Variants in BMPR1B observed in about 807,000 individuals in gnomAD.
BMPR1B encodes the protein bone morphogenetic protein receptor type 1B.
BMPR1B carries 12 observed loss-of-function variants against 59.1 expected under a neutral mutation model. The observed-to-expected ratio is 0.20, with a 90% CI of 0.13 to 0.33. The LOEUF (loss-of-function observed/expected upper bound fraction) is 0.33, where lower values mean the gene tolerates loss of function less well. BMPR1B is among the 10% of genes least tolerant of loss of function. The pLI is 1.00. For missense variants in BMPR1B, 550 were observed against 610.9 expected (o/e 0.90, Z 1.05); for synonymous variants, 237 against 207.3 (o/e 1.14, Z -1.23).
chr4:95,097,636 CAA>C (rs1730525323), intron 3 of BMPR1B, among the ~76,000 whole-genome samples: 1 of 152,124 alleles, frequency 6.6e-6, no homozygotes, highest in Non-Finnish European at 1.5e-5. Context: ...CTCCTGGGTT[CAA>C]GTGATTCTCC....
intron 3 of BMPR1B, among the ~76,000 whole-genome samples, chr4:95,032,164 G>T (rs1250675840): frequency 6.6e-6 from 1 of 152,000 alleles, no homozygotes; most frequent in Non-Finnish European, 1.5e-5. Context: ...AGATCAAGGG[G>T]CTTGAAGCTT....
chr4:94,985,677 A>G (rs1042650883), intron 2 of BMPR1B, among the ~76,000 whole-genome samples: 3 of 152,108 alleles, frequency 2.0e-5, no homozygotes, highest in Admixed American at 1.3e-4. Flanking sequence ...CTGTGGTGTT[A>G]CTGAAAGATA....
chr4:94,836,999 C>T (rs547431756), intron 1 of BMPR1B, among the ~76,000 whole-genome samples: 6 of 143,330 alleles, frequency 4.2e-5, no homozygotes, highest in African/African-American at 1.3e-4. Context: ...TTCCCAGCAC[C>T]GTTTATTAAA....
intron 3 of BMPR1B, among the ~76,000 whole-genome samples, chr4:95,014,447 G>T (rs895089027): frequency 2.6e-4 from 39 of 152,068 alleles, no homozygotes; most frequent in African/African-American, 8.9e-4. Context: ...TGTTTAATTT[G>T]ATGAATCAAT....
chr4:94,882,136 C>CT lies in BMPR1B; in HGVS notation c.-113+6245dup, dbSNP rs964880905. Among the ~76,000 whole-genome samples, 103 of 151,212 alleles carry CT rather than the reference C, an allele frequency of 6.8e-4. 2 individuals carry two copies. In the South Asian group the frequency reaches 0.02, roughly 29 times the overall value. On this transcript the variant is annotated intron_variant, in intron 2 of 12. Transcript: ENST00000515059. ...CTACTGTCCCCCTCACTGTTTTTTT[C>CT]TTTTTTTTTCCATGGAAGGATAGAG...
At chr4:94,916,462 G>T (rs1446054308) in intron 2 of BMPR1B, among the ~76,000 whole-genome samples, 2 of 152,160 alleles carry the variant, frequency 1.3e-5, no homozygotes, top group African/African-American at 4.8e-5. Flanking sequence ...AAAGAACTTG[G>T]CTGCATTCTA....
At chr4:94,852,414 C>T (rs1260074583) in intron 1 of BMPR1B, among the ~76,000 whole-genome samples, 2 of 151,934 alleles carry the variant, frequency 1.3e-5, no homozygotes, top group Non-Finnish European at 2.9e-5. Context: ...ATATAATTAA[C>T]CAGTCATTTA....
chr4:94,885,759 A>C (rs2148984408), intron 2 of BMPR1B, among the ~76,000 whole-genome samples: 1 of 152,304 alleles, frequency 6.6e-6, no homozygotes, highest in Admixed American at 6.5e-5. Context: ...ATATAATTGT[A>C]AAACATATTG....
chr4:94,925,051 C>G (rs1171540664), intron 2 of BMPR1B, among the ~76,000 whole-genome samples: 1 of 152,026 alleles, frequency 6.6e-6, no homozygotes, highest in Non-Finnish European at 1.5e-5. Context: ...ATACAAAATA[C>G]ATATTAGATC....
chr4:94,964,581 CAAAT>C (rs983849344), intron 2 of BMPR1B, among the ~76,000 whole-genome samples: 4 of 152,092 alleles, frequency 2.6e-5, no homozygotes, highest in African/African-American at 9.7e-5. Context: ...AATCTTTCTT[CAAAT>C]AAATCTCATC....
rs183473291 is a variant in BMPR1B, at chr4:95,099,998, A to C, written c.-17-4410A>C. On this transcript the variant is annotated intron_variant, in intron 3 of 12. Transcript: ENST00000515059. ...TCCCAGTTTAAATTTAAAATACATA[A>C]GTCGTTTTATTAATTTCAACATCTT... Among the ~76,000 whole-genome samples the C allele has an allele frequency of 2.0e-5, 3 of 152,264 alleles. No individual in the cohort carries two copies. The East Asian group carries it at 5.8e-4, about 29-fold the overall frequency.
intron 3 of BMPR1B, among the ~76,000 whole-genome samples, chr4:95,060,681 C>T (rs1344804343): frequency 1.3e-5 from 2 of 152,164 alleles, no homozygotes; most frequent in Non-Finnish European, 2.9e-5. Flanking sequence ...TCTGTGATTG[C>T]TCCTTCAGAA....
intron 3 of BMPR1B, among the ~76,000 whole-genome samples, chr4:95,036,775 G>A (rs1725278718): frequency 7.0e-6 from 1 of 142,150 alleles, no homozygotes; most frequent in Non-Finnish European, 1.5e-5. Flanking sequence ...TCTAGTTTTA[G>A]TTTTTTGAGG....
chr4:95,134,139 T>TG (rs1377943718), intron 10 of BMPR1B, among the ~76,000 whole-genome samples: 1 of 152,198 alleles, frequency 6.6e-6, no homozygotes, highest in African/African-American at 2.4e-5. Context: ...TTTCTGTCCT[T>TG]GCGATAGTTT....
chr4:95,005,854 A>C (rs962372316), intron 3 of BMPR1B, among the ~76,000 whole-genome samples: 1 of 152,220 alleles, frequency 6.6e-6, no homozygotes, highest in African/African-American at 2.4e-5. Context: ...GCCTGGAAGC[A>C]AGAAAAACAT....
intron 1 of BMPR1B, among the ~76,000 whole-genome samples, chr4:94,759,033 G>A (rs1266152240): frequency 6.6e-6 from 1 of 152,154 alleles, no homozygotes; most frequent in African/African-American, 2.4e-5. Context: ...CAGGCTCCGT[G>A]TTTCCGCCTG....
chr4:95,149,691 T>C (rs1434792506), intron 11 of BMPR1B, among the ~76,000 whole-genome samples: 1 of 152,230 alleles, frequency 6.6e-6, no homozygotes, highest in Non-Finnish European at 1.5e-5. Context: ...TAAAAAACCT[T>C]GATGCTGCTG....
intron 1 of BMPR1B, among the ~76,000 whole-genome samples, chr4:94,855,420 C>T (rs188600933): frequency 6.6e-6 from 1 of 152,186 alleles, no homozygotes; most frequent in Admixed American, 6.5e-5. Flanking sequence ...ACAGCATTTG[C>T]TCTAAATTGC....
intron 2 of BMPR1B, among the ~76,000 whole-genome samples, chr4:94,926,380 A>C (rs1242841115): frequency 6.6e-6 from 1 of 152,004 alleles, no homozygotes; most frequent in African/African-American, 2.4e-5. Context: ...AATATGCTTG[A>C]TAGCCTGACT....
Sources: gnomAD v4.1 joint callset for allele counts (sites outside exome capture counted in the v4.1 genomes callset) on GRCh38, gnomAD v4.1.1 for gene constraint, MANE v1.5 for transcripts, NCBI Gene and HGNC (gene_info 2026-07-23, HGNC 2026-07-21) for gene names.